The following TMEM192 variants were observed in gnomAD, a reference collection of about 807,000 sequenced individuals.
TMEM192 encodes the protein transmembrane protein 192.
TMEM192 carries 20 observed loss-of-function variants against 26.7 expected under a neutral mutation model. The ratio of observed to expected loss-of-function variants is 0.75; its 90% confidence interval spans 0.53 to 1.09. The LOEUF (loss-of-function observed/expected upper bound fraction) is 1.09. TMEM192 is among the 50% of genes least tolerant of loss of function. The pLI is 0.00. For synonymous variants in TMEM192, 124 were observed against 121.0 expected (o/e 1.02, Z -0.16); for missense variants, 304 against 322.6 (o/e 0.94, Z 0.44).
At position 165,100,559 on chromosome 4, in the gene TMEM192, T is replaced by G; in HGVS notation, c.439+69A>C. On this transcript the variant is annotated intron_variant, in intron 3 of 5. Transcript: ENST00000306480. ...ATATATTTGATTCTAAAATCAAACT[T>G]CATATATTCTTTCTGCTGTCATTTT... is the stretch of plus-strand genomic sequence containing the variant. 2.7e-6 allele frequency: 4 copies of G among 1,508,244 alleles called. No individual in the cohort carries two copies. The South Asian group carries it at 5.1e-5, about 19-fold the overall frequency. The allele number at this position is 1,508,244 out of a possible 1,614,324, so 93.4% of individuals were successfully genotyped here.
chr4:165,094,800 C>T (rs1205178306), intron 3 of TMEM192, among the ~76,000 whole-genome samples: 1 of 151,852 alleles, frequency 6.6e-6, no homozygotes, highest in African/African-American at 2.4e-5. Flanking sequence ...CACGGTGAAA[C>T]CCTGTCTCTA....
At chr4:165,098,626 AT>A (rs567499288) in intron 3 of TMEM192, among the ~76,000 whole-genome samples, 146 of 149,704 alleles carry the variant, frequency 9.8e-4, no homozygotes, top group Non-Finnish European at 1.8e-3. Context: ...TTCAAAAAAA[AT>A]TTTTTTTTCT....
chr4:165,084,725 A>G (rs6821111), intron 5 of TMEM192, among the ~76,000 whole-genome samples: 4,455 of 151,030 alleles, frequency 0.029, 214 homozygotes, highest in African/African-American at 0.1. Flanking sequence ...CCTGGCCAAC[A>G]TGGTGAAACC....
In TMEM192 at chr4:165,078,558, C is replaced by T. The variant is rs1000378517; in HGVS notation, c.*1100G>A. 1 of 152,036 alleles carries T rather than the reference C, an allele frequency of 6.6e-6. No homozygotes were observed. The highest frequency in any genetic ancestry group is 2.4e-5 in the African/African-American group (1 of 41,406). 9.4% of individuals were successfully genotyped at this position (152,036 alleles called of 1,614,324 possible). ...CAGTAATTTAAAATTATAGAAGATG[C>T]CTTTCCTATAATTGAAGTTATTGAT... On this transcript the variant is annotated 3_prime_UTR_variant, in exon 6 of 6. Coordinates refer to ENST00000306480, the MANE Select transcript of TMEM192 (RefSeq NM_001100389.2).
At chr4:165,085,118 T>C (rs1348828955) in intron 5 of TMEM192, among the ~76,000 whole-genome samples, 2 of 151,642 alleles carry the variant, frequency 1.3e-5, no homozygotes, top group Non-Finnish European at 2.9e-5. Context: ...CTACTAAAAA[T>C]ACAAAATTAG....
At chr4:165,087,157 G>A (rs1039331146) in intron 4 of TMEM192, among the ~76,000 whole-genome samples, 4 of 152,078 alleles carry the variant, frequency 2.6e-5, no homozygotes, top group Admixed American at 1.3e-4. Context: ...ACATGAAAAC[G>A]TTAGATTTTT....
rs200156409 is a variant in TMEM192 at position 165,091,267 on chromosome 4, C to CA, written c.440-2666dup. The stretch of plus-strand genomic sequence containing the variant: ...TGGGTGACAGAGCGAGACTCCATTT[C>CA]AAAAAAAAAATACAGAAGTATGGGA... On this transcript the variant is annotated intron_variant, in intron 3 of 5. Coordinates refer to ENST00000306480, the MANE Select transcript of TMEM192 (RefSeq NM_001100389.2). Among the ~76,000 whole-genome samples the CA allele has an allele frequency of 8.9e-3, 1,321 of 148,134 alleles. 7 individuals are homozygous for CA. Among genetic ancestry groups the CA allele is most frequent in the Non-Finnish European group, 0.013 (883 of 66,866 alleles).
chr4:165,085,769 T>C (rs1348209533), intron 4 of TMEM192, 81 bp from the exon 5 acceptor site: 7 of 1,044,080 alleles, frequency 6.7e-6, no homozygotes, highest in Non-Finnish European at 1.0e-5. Flanking sequence ...TAATTTGCCG[T>C]TCTTATTAAC....
intron 5 of TMEM192, among the ~76,000 whole-genome samples, chr4:165,081,153 T>A (rs1734510141): frequency 6.6e-6 from 1 of 152,122 alleles, no homozygotes. Flanking sequence ...ATAAGTTACC[T>A]AAACTCTCTG....
intron 3 of TMEM192, among the ~76,000 whole-genome samples, chr4:165,092,319 A>G (rs1191258432): frequency 1.3e-5 from 2 of 151,940 alleles, no homozygotes; most frequent in Non-Finnish European, 2.9e-5. Context: ...ACGGGGTTTC[A>G]CCATGTTAGC....
chr4:165,091,721 T>C (rs937086392), intron 3 of TMEM192, among the ~76,000 whole-genome samples: 1 of 152,126 alleles, frequency 6.6e-6, no homozygotes, highest in African/African-American at 2.4e-5. Flanking sequence ...TGGCCCATAA[T>C]ACAACTATAT....
At chr4:165,096,663 T>C (rs900264272) in intron 3 of TMEM192, among the ~76,000 whole-genome samples, 1 of 151,898 alleles carries the variant, frequency 6.6e-6, no homozygotes, top group East Asian at 1.9e-4. Context: ...AAAAATATTT[T>C]AAAAAATAGA....
intron 2 of TMEM192, among the ~76,000 whole-genome samples, chr4:165,101,392 G>A (rs941325376): frequency 1.3e-5 from 2 of 148,606 alleles, no homozygotes; most frequent in Non-Finnish European, 3.0e-5. Flanking sequence ...TGTGAGATAC[G>A]GTCTTGCCCT....
intron 3 of TMEM192, among the ~76,000 whole-genome samples, chr4:165,096,212 A>T (rs749846354): frequency 6.6e-6 from 1 of 151,900 alleles, no homozygotes; most frequent in African/African-American, 2.4e-5. Flanking sequence ...GTTCGAGACC[A>T]GCCTGGCCAA....
chr4:165,106,738 G>A (rs1735168566), intron 1 of TMEM192, among the ~76,000 whole-genome samples: 1 of 152,218 alleles, frequency 6.6e-6, no homozygotes, highest in Non-Finnish European at 1.5e-5. Context: ...GCCGACTGAA[G>A]GCTGCGCTGT....
chr4:165,079,890 T>A, intron 5 of TMEM192, 94 bp from the exon 6 acceptor site: 1 of 1,249,186 alleles, frequency 8.0e-7, no homozygotes, highest in Non-Finnish European at 1.1e-6. Flanking sequence ...TAGTAAAGCA[T>A]ATTGTATTTG....
chr4:165,104,174 G>C (rs1735110370), intron 1 of TMEM192, among the ~76,000 whole-genome samples: 1 of 152,124 alleles, frequency 6.6e-6, no homozygotes, highest in Non-Finnish European at 1.5e-5. Context: ...TAAGAGTGTA[G>C]ATCTTAAGTG....
chr4:165,094,684 A>G (rs1461879107), intron 3 of TMEM192, among the ~76,000 whole-genome samples: 2 of 151,826 alleles, frequency 1.3e-5, no homozygotes, highest in East Asian at 3.9e-4. Flanking sequence ...GGAAAAAAAG[A>G]ACATTCTAGG....
chr4:165,107,796 C>T (rs572135516), intron 1 of TMEM192, among the ~76,000 whole-genome samples: 1 of 152,288 alleles, frequency 6.6e-6, no homozygotes, highest in South Asian at 2.1e-4. Context: ...CTCTGCGGTG[C>T]CTTTTTAGCA....
Sources: gnomAD v4.1 joint callset for allele counts (sites outside exome capture counted in the v4.1 genomes callset) on GRCh38, gnomAD v4.1.1 for gene constraint, MANE v1.5 for transcripts, NCBI Gene and HGNC (gene_info 2026-07-23, HGNC 2026-07-21) for gene names.